The following ADA variants were observed in gnomAD, a reference collection of about 807,000 sequenced individuals.
ADA encodes the protein adenosine aminohydrolase.
ADA carries 45 observed loss-of-function variants against 49.0 expected under a neutral mutation model. The observed-to-expected ratio is 0.92, with a 90% confidence interval of 0.72 to 1.18. The LOEUF (loss-of-function observed/expected upper bound fraction) is 1.18, where lower values mean the gene tolerates loss of function less well. ADA is among the 50% of genes most tolerant of loss of function. The pLI is 0.00. For synonymous variants in ADA, 173 were observed against 184.2 expected, an observed-to-expected ratio of 0.94 and a Z score of 0.49; for missense variants, 445 against 472.5, an observed-to-expected ratio of 0.94 and a Z score of 0.54.
chr20:44,651,434 C>T, intron 1 of ADA, 141 bp downstream of exon 1: 2 of 867,326 alleles, frequency 2.3e-6, no homozygotes, highest in South Asian at 1.6e-5. Context: ...AAGCAAGCCA[C>T]GGCCTAAGCC....
In ADA at chr20:44,625,548, C is replaced by T. The variant is rs1335248138; in HGVS notation, c.478+21G>A. ...CCAGGGTGAGACGGGCGGCCCTGGG[C>T]AGGGCGGTGATCCTACTCACTGGGC... is the stretch of plus-strand genomic sequence containing the variant. On this transcript the variant is annotated intron_variant, in intron 5 of 11. Coordinates refer to ENST00000372874, the MANE Select transcript of ADA (RefSeq NM_000022.4). The T allele has an allele frequency of 3.8e-6, 6 of 1,560,098 alleles. No individual in the cohort carries two copies. In the Admixed American group the frequency reaches 5.7e-5, roughly 15 times the overall value.
chr20:44,645,977 A>G (rs1317506294), intron 1 of ADA, among the ~76,000 whole-genome samples: 1 of 152,060 alleles, frequency 6.6e-6, no homozygotes, highest in African/African-American at 2.4e-5. Flanking sequence ...CCTACCCCCA[A>G]CACCTTGGGT....
chr20:44,619,885 C>T, intron 11 of ADA, 38 bp from the exon 12 acceptor site: 1 of 1,613,920 alleles, frequency 6.2e-7, no homozygotes, highest in Non-Finnish European at 8.5e-7. Flanking sequence ...GATCAGGCAA[C>T]TTGTAGTACC....
In ADA at chr20:44,621,050, T is replaced by C; in HGVS notation, c.943A>G (p.Met315Val). The C allele has an allele frequency of 1.2e-6, 2 of 1,614,174 alleles. No individual in the cohort carries two copies. The highest frequency in any genetic ancestry group is 1.7e-6 in the Non-Finnish European group (2 of 1,180,032). ...TTAAACTCCTCTTCAGTAAAGCCCA[T>C]GTCCCGTTTGGTCATCTGGTAATCA... The part of the protein sequence containing the change: ...DTDYQMTKRD[M>V]GFTEEEFKRL... Residue 315 changes from methionine (M) to valine (V), a missense_variant, in exon 10 of 12, where the codon ATG (methionine) becomes GTG (valine). Physicochemically the swap from Met to Val is conservative, Grantham distance 21. Coordinates refer to ENST00000372874, the MANE Select transcript of ADA (RefSeq NM_000022.4).
chr20:44,651,526 G>A, intron 1 of ADA, 49 bp downstream of exon 1: 2 of 1,515,206 alleles, frequency 1.3e-6, no homozygotes, highest in South Asian at 1.2e-5. Flanking sequence ...AGCCCCTCGG[G>A]CCGCCCAGGC....
chr20:44,640,006 C>T (rs561167497), intron 1 of ADA, among the ~76,000 whole-genome samples: 2 of 151,964 alleles, frequency 1.3e-5, no homozygotes, highest in South Asian at 2.1e-4. Flanking sequence ...AAGGCCAGGC[C>T]GTCAGATGTC....
At chr20:44,633,889 C>T (rs959660837) in intron 2 of ADA, among the ~76,000 whole-genome samples, 5 of 152,234 alleles carry the variant, frequency 3.3e-5, no homozygotes, top group African/African-American at 1.2e-4. Flanking sequence ...TAGCAGGGCT[C>T]AGGCCAGGGG....
At chr20:44,628,812 T>C (rs979579916) in intron 3 of ADA, among the ~76,000 whole-genome samples, 4 of 151,756 alleles carry the variant, frequency 2.6e-5, no homozygotes, top group African/African-American at 9.7e-5. Flanking sequence ...TTAGCTCCCA[T>C]ATTCTGCCAT....
chr20:44,638,213 A>G (rs3787359), intron 1 of ADA, among the ~76,000 whole-genome samples: 22,881 of 152,244 alleles, frequency 0.15, 2,052 homozygotes, highest in South Asian at 0.25. Context: ...TCTAGGCTTC[A>G]TGAGGGTTAA....
At chr20:44,642,695 C>G (rs747034191) in intron 1 of ADA, among the ~76,000 whole-genome samples, 4 of 152,180 alleles carry the variant, frequency 2.6e-5, no homozygotes, top group South Asian at 2.1e-4. Context: ...AAACCTTTCC[C>G]GGCTGCTGTG....
chr20:44,651,551 C>A, intron 1 of ADA, 24 bp downstream of exon 1: 1 of 1,531,120 alleles, frequency 6.5e-7, no homozygotes, highest in Admixed American at 2.0e-5. Flanking sequence ...GACCCCCGTC[C>A]CCGGAGCCCC....
chr20:44,636,271 G>C lies in ADA; in HGVS notation c.51C>G (p.His17Gln), dbSNP rs1379847464. The C allele has an allele frequency of 6.2e-7, 1 of 1,609,054 alleles. No individual in the cohort carries two copies. The highest frequency in any genetic ancestry group is 8.5e-7 in the Non-Finnish European group (1 of 1,177,392). ...TTTCAGGCTTGATGGATCCGTCTAGGTGGACATGCAGTTCCACCTGCAAGG... is the reference window on the plus strand; with the variant it reads ...TTTCAGGCTTGATGGATCCGTCTAGCTGGACATGCAGTTCCACCTGCAAGG... Reference protein sequence around the residue: ...FDKPKVELHVHLDGSIKPETI... With the variant: ...FDKPKVELHVQLDGSIKPETI... Residue 17 changes from histidine to glutamine, a missense_variant, in exon 2 of 12, where the codon CAC becomes CAG. By Grantham distance (24) the His-to-Gln change is conservative (BLOSUM62 0). Coordinates refer to ENST00000372874, the MANE Select transcript of ADA (RefSeq NM_000022.4).
At chr20:44,632,511 G>A (rs2065442715) in intron 2 of ADA, among the ~76,000 whole-genome samples, 1 of 152,142 alleles carries the variant, frequency 6.6e-6, no homozygotes, top group Admixed American at 6.5e-5. Context: ...AGAGCACAGG[G>A]GACTCCCAGT....
At chr20:44,620,744 T>C (rs897202493) in intron 10 of ADA, 3 of 566,508 alleles carry the variant, frequency 5.3e-6, no homozygotes, top group African/African-American at 3.8e-5. Context: ...CAAGACTTCA[T>C]AGCTGCTGCA....
At chr20:44,637,281 G>A (rs757150863) in intron 1 of ADA, among the ~76,000 whole-genome samples, 10 of 152,152 alleles carry the variant, frequency 6.6e-5, no homozygotes, top group Non-Finnish European at 1.0e-4. Flanking sequence ...TGACCTCTCT[G>A]AGCCTCAGTT....
In ADA at chr20:44,619,853, CGTT is replaced by C; in HGVS notation, c.1079-9_1079-7del. ...GCGTCTTCAGAGGTTCTGCCCTGCT[CGTT>C]GGTTCAGAGAAGCAAAAAGATCAGG... On this transcript the variant is annotated splice_polypyrimidine_tract_variant and splice_region_variant and intron_variant, in intron 11 of 11. Transcript: ENST00000372874. 2 of 1,614,106 alleles carry C rather than the reference CGTT, an allele frequency of 1.2e-6. No homozygotes were observed. Among genetic ancestry groups the C allele is most frequent in the Admixed American group, 3.3e-5 (2 of 60,020 alleles).
intron 3 of ADA, 71 bp downstream of exon 3, chr20:44,628,976 T>C (rs1237858520): frequency 1.9e-6 from 3 of 1,610,436 alleles, no homozygotes; most frequent in East Asian, 2.2e-5. Context: ...CCCCACAGGC[T>C]GAGGGACAGG....
At chr20:44,620,266 G>A (rs749896598) in intron 11 of ADA, 33 bp downstream of exon 11, 2 of 1,583,772 alleles carry the variant, frequency 1.3e-6, no homozygotes, top group Admixed American at 3.3e-5. Context: ...GCCAGGACAG[G>A]GCAACTGCCC....
chr20:44,629,211 A>G, intron 2 of ADA, 42 bp from the exon 3 acceptor site: 1 of 1,613,668 alleles, frequency 6.2e-7, no homozygotes, highest in Non-Finnish European at 8.5e-7. Context: ...CCGGGGCAGG[A>G]TCCAGGCAGG....
Sources: allele counts gnomAD v4.1 joint callset (sites outside exome capture counted in the v4.1 genomes callset), GRCh38; gene constraint gnomAD v4.1.1; transcripts MANE v1.5; gene names NCBI Gene and HGNC (gene_info 2026-07-23, HGNC 2026-07-21).